The following MYO7B variants were observed in gnomAD, a reference collection of about 807,000 sequenced individuals.
MYO7B encodes myosin VIIB.
In MYO7B, 212 loss-of-function variants were observed where a neutral mutation model predicts 259.7. The ratio of observed to expected loss-of-function variants is 0.82; its 90% CI spans 0.73 to 0.91. MYO7B has a LOEUF of 0.91. Among genes scored for constraint, MYO7B ranks in the 40% least tolerant of loss-of-function variants. The pLI is 0.00. For missense variants in MYO7B, 2,732 were observed against 2,813.5 expected (o/e 0.97, Z 0.66); for synonymous variants, 1,197 against 1,166.4 (o/e 1.03, Z -0.54).
intron 3 of MYO7B, 65 bp downstream of exon 3, chr2:127,564,331 C>T: frequency 7.6e-7 from 1 of 1,318,702 alleles, no homozygotes; most frequent in Non-Finnish European, 1.0e-6. Context: ...TGGAGCCCTC[C>T]CCGCCCTGTG....
intron 47 of MYO7B, 169 bp downstream of exon 47, chr2:127,637,082 C>T: frequency 1.6e-6 from 2 of 1,271,664 alleles, no homozygotes; most frequent in Non-Finnish European, 2.2e-6. Flanking sequence ...GGACCAGCAG[C>T]CAAGGTGGCA....
intron 6 of MYO7B, among the ~76,000 whole-genome samples, chr2:127,573,516 C>T (rs1678733456): frequency 6.6e-6 from 1 of 152,204 alleles, no homozygotes; most frequent in African/African-American, 2.4e-5. Context: ...TCTTTCTAAG[C>T]TGTGAATCTG....
In MYO7B at chr2:127,559,356, G is replaced by C. The variant is rs369085739; in HGVS notation, c.-23-344G>C. On this transcript the variant is annotated intron_variant, in intron 1 of 47. Transcript: ENST00000409816. This position sits in a 1 kb window ranked among gnomAD's most constrained non-coding sequence, Gnocchi z 4.1. ...ATAGCTCCAGTGGCTGCTTACCTGA[G>C]CACTTCCCAAGATGTGTGACGGTGA... 3.3e-5 allele frequency among the ~76,000 whole-genome samples: 5 copies of C among 152,330 alleles called. No homozygotes were observed. The East Asian group carries it at 7.7e-4, about 23-fold the overall frequency.
In MYO7B at chr2:127,631,212, A is replaced by G; in HGVS notation, c.4944A>G (p.Pro1648=). 2 of 1,598,930 alleles carry G rather than the reference A, an allele frequency of 1.3e-6. No homozygotes were observed. Among genetic ancestry groups the G allele is most frequent in the Non-Finnish European group, 1.7e-6 (2 of 1,169,494 alleles). The change falls in exon 37 of 48, where the codon CCA becomes CCG. Residue 1648 remains proline (P), a synonymous_variant. Transcript: ENST00000409816. The stretch of plus-strand genomic sequence containing the variant: ...CCAGCCTCTAACCTCACAGGGCTCC[A>G]GAGAAGGACATGGTGAGCATGGCCG... ...EEFSYEFFRA[P]EKDMVSMAVL... is the part of the protein sequence containing the mutation.
intron 35 of MYO7B, among the ~76,000 whole-genome samples, chr2:127,630,075 G>A (rs1352351593): frequency 6.6e-6 from 1 of 152,170 alleles, no homozygotes; most frequent in Admixed American, 6.5e-5. Context: ...GTGTCCGGGG[G>A]ACAAACCCAA....
chr2:127,636,625 C>G lies in MYO7B; in HGVS notation c.6204C>G (p.Thr2068=). 1 of 1,612,214 alleles carries G rather than the reference C, an allele frequency of 6.2e-7. No individual in the cohort carries two copies. Among genetic ancestry groups the G allele is most frequent in the Non-Finnish European group, 8.5e-7 (1 of 1,179,116 alleles). The change falls in exon 46 of 48, where the codon ACC becomes ACG. Residue 2068 remains threonine, a synonymous_variant. Coordinates refer to ENST00000409816, the MANE Select transcript of MYO7B (RefSeq NM_001393586.1). The surrounding 1 kb of genome is among the most constrained non-coding windows in gnomAD (Gnocchi z 4.5). Reference sequence around the variant, plus strand: ...GGGTTCTGCTCATCCACCCCAAGACCAAGGTAGCTGCTGGGCCTCCGGAGG... The same window carrying G: ...GGGTTCTGCTCATCCACCCCAAGACGAAGGTAGCTGCTGGGCCTCCGGAGG... ...RHGVLLIHPK[T]KDLLTTYPFT...
At position 127,637,620 on chromosome 2, in the gene MYO7B, T is replaced by G. The variant is rs189907970; in HGVS notation, c.*203T>G. 2,460 of 468,424 alleles carry G rather than the reference T, an allele frequency of 5.3e-3. 13 individuals are homozygous for G. The highest frequency in any genetic ancestry group is 7.5e-3 in the Non-Finnish European group (2,005 of 266,886). The allele number at this position is 468,424 out of a possible 1,614,324, so 29.0% of individuals were successfully genotyped here. On this transcript the variant is annotated 3_prime_UTR_variant, in exon 48 of 48. Transcript: ENST00000409816. The stretch of plus-strand genomic sequence containing the variant: ...GCCAAAAGACGGGCCCAGAATGGGG[T>G]CGGGAGTCTCGGACCCCCAGGCTAT...
At position 127,614,171 on chromosome 2, in the gene MYO7B, G is replaced by A. The variant is rs534538665; in HGVS notation, c.3398+1568G>A. On this transcript the variant is annotated intron_variant, in intron 26 of 47. Coordinates refer to ENST00000409816, the MANE Select transcript of MYO7B (RefSeq NM_001393586.1). This position sits in a 1 kb window ranked among gnomAD's most constrained non-coding sequence, Gnocchi z 4.6. Reference sequence around the variant, plus strand: ...TATATTCGAATGATGTGTACTTTGGGTTCTTCAGACACCCCCTATAGGCAC... The same window carrying A: ...TATATTCGAATGATGTGTACTTTGGATTCTTCAGACACCCCCTATAGGCAC... Among the ~76,000 whole-genome samples the A allele has an allele frequency of 2.6e-5, 4 of 152,230 alleles. No homozygotes were observed. Among genetic ancestry groups the A allele is most frequent in the South Asian group, 4.2e-4 (2 of 4,818 alleles).
chr2:127,544,575 ATTTT>A (rs35578661), intron 1 of MYO7B, among the ~76,000 whole-genome samples: 1 of 103,148 alleles, frequency 9.7e-6, no homozygotes, highest in African/African-American at 3.9e-5. Flanking sequence ...CGTCTGGCTA[ATTTT>A]TTTTTTTTTT....
At chr2:127,566,538 C>A in intron 4 of MYO7B, 105 bp from the exon 5 acceptor site, 1 of 967,018 alleles carries the variant, frequency 1.0e-6, no homozygotes, top group Non-Finnish European at 1.4e-6. Context: ...AAGTCAGTGG[C>A]CCTGATAACC....
intron 15 of MYO7B, among the ~76,000 whole-genome samples, chr2:127,589,627 T>C (rs1420374454): frequency 1.3e-5 from 1 of 79,030 alleles, no homozygotes; most frequent in Non-Finnish European, 2.4e-5. Flanking sequence ...GGTGGATGGA[T>C]GAGTGGGTGC....
chr2:127,609,021 G>A lies in MYO7B; in HGVS notation c.2814+143G>A, dbSNP rs963397842. The stretch of plus-strand genomic sequence containing the variant: ...GCTGCAGCCCTGCTGGTCCCACACG[G>A]AAGAGGGGAGCGTGCGTGGGTTCTG... On this transcript the variant is annotated intron_variant, in intron 22 of 47. Coordinates refer to ENST00000409816, the MANE Select transcript of MYO7B (RefSeq NM_001393586.1). The surrounding 1 kb of genome is among the most constrained non-coding windows in gnomAD (Gnocchi z 6.9). 2.6e-6 allele frequency: 3 copies of A among 1,149,148 alleles called. No homozygotes were observed. The highest frequency in any genetic ancestry group is 1.2e-6 in the Non-Finnish European group (1 of 825,814). 71.2% of individuals were successfully genotyped at this position (1,149,148 alleles called of 1,614,324 possible).
rs771102708 is a variant in MYO7B at position 127,632,292 on chromosome 2, C to G, written c.5296C>G (p.Leu1766Val). The G allele has an allele frequency of 3.4e-5, 55 of 1,611,758 alleles. No homozygotes were observed. Among genetic ancestry groups the G allele is most frequent in the Non-Finnish European group, 4.6e-5 (54 of 1,179,480 alleles). Residue 1766 changes from leucine to valine, a missense_variant, in exon 39 of 48, where the codon CTC becomes GTC. This residue lies in a region of MYO7B where 821 missense variants were observed against 769.3 expected (regional missense o/e 1.07). Coordinates refer to ENST00000409816, the MANE Select transcript of MYO7B (RefSeq NM_001393586.1). ...GCAGCTGCTGTGGCTGTGCACGGGC[C>G]TCTTCCCGCCCAGCAAGGGGCTGCT... The part of the protein sequence containing the change: ...GWQLLWLCTG[L>V]FPPSKGLLPH...
intron 1 of MYO7B, among the ~76,000 whole-genome samples, chr2:127,554,349 C>CA (rs2104829374): frequency 6.6e-6 from 1 of 152,364 alleles, no homozygotes; most frequent in African/African-American, 2.4e-5. Context: ...ACTGGGATTA[C>CA]AGGCATGAGC....
intron 15 of MYO7B, 29 bp downstream of exon 15, chr2:127,588,584 G>GTCTTAC (rs1194016377): frequency 1.2e-6 from 2 of 1,611,774 alleles, no homozygotes; most frequent in South Asian, 1.1e-5. Context: ...TCCTGGGTCT[G>GTCTTAC]TCACCCCTGA....
intron 12 of MYO7B, 126 bp downstream of exon 12, chr2:127,582,572 C>T: frequency 1.8e-6 from 2 of 1,139,596 alleles, no homozygotes; most frequent in Non-Finnish European, 2.5e-6. Context: ...CCCACCAGAT[C>T]CGTGTGCTCT....
chr2:127,635,083 G>A (rs1291926793), intron 42 of MYO7B, 37 bp from the exon 43 acceptor site: 3 of 1,554,696 alleles, frequency 1.9e-6, no homozygotes, highest in African/African-American at 1.4e-5. Flanking sequence ...TGTACCTGCT[G>A]GGACAGGCTT....
At chr2:127,552,561 A>G (rs1252695548) in intron 1 of MYO7B, among the ~76,000 whole-genome samples, 1 of 152,132 alleles carries the variant, frequency 6.6e-6, no homozygotes. Flanking sequence ...GGAGACGTCT[A>G]TGGTATGTGA....
intron 26 of MYO7B, 61 bp downstream of exon 26, chr2:127,612,664 G>A: frequency 6.3e-7 from 1 of 1,577,148 alleles, no homozygotes; most frequent in South Asian, 1.2e-5. Context: ...CTGGCTCTCA[G>A]CCCATGGCCA....
Sources: allele counts gnomAD v4.1 joint callset (sites outside exome capture counted in the v4.1 genomes callset), GRCh38; gene constraint gnomAD v4.1.1; regional missense constraint gnomAD v4.1.1; non-coding constraint Gnocchi (gnomAD v3.1); transcripts MANE v1.5; gene names NCBI Gene and HGNC (gene_info 2026-07-23, HGNC 2026-07-21).